Variants in PCDH17 observed in about 807,000 individuals in gnomAD.
The protein encoded by PCDH17 is protocadherin-17.
In PCDH17, 21 loss-of-function variants were observed where a neutral mutation model predicts 67.7. That is an observed-to-expected ratio of 0.31 (90% CI 0.22 to 0.45). PCDH17 has a LOEUF of 0.45. PCDH17 is among the 20% of genes least tolerant of loss of function. The pLI is 1.00. For synonymous variants in PCDH17, 701 were observed against 656.7 expected, an observed-to-expected ratio of 1.07 and a Z score of -1.03; for missense variants, 1,471 against 1,564.8, an observed-to-expected ratio of 0.94 and a Z score of 1.01.
chr13:57,680,254 G>T (rs562523017), intron 3 of PCDH17, among the ~76,000 whole-genome samples: 1 of 151,468 alleles, frequency 6.6e-6, no homozygotes, highest in East Asian at 2.0e-4. Flanking sequence ...TCTTGAAAGT[G>T]GACTGTCTAT....
chr13:57,653,053 T>C (rs1383810419), intron 1 of PCDH17, among the ~76,000 whole-genome samples: 2 of 152,192 alleles, frequency 1.3e-5, no homozygotes, highest in African/African-American at 4.8e-5. Flanking sequence ...AGAGGTTCTC[T>C]AGCTTTGTCT....
At position 57,728,845 on chromosome 13, in the gene PCDH17, T is replaced by TA. The variant is rs1267132984; in HGVS notation, c.*3557dup. ...TTGTTCAATTTAAAATATGGCACCA[T>TA]AAAAAAGTCATGTAGTAATAGAGCA... On this transcript the variant is annotated 3_prime_UTR_variant, in exon 4 of 4. Coordinates refer to ENST00000377918, the MANE Select transcript of PCDH17 (RefSeq NM_001040429.3). The TA allele has an allele frequency of 1.3e-5, 2 of 152,228 alleles. No individual in the cohort carries two copies. The highest frequency in any genetic ancestry group is 2.4e-5 in the African/African-American group (1 of 41,450). The allele number at this position is 152,228 out of a possible 1,614,324, so 9.4% of individuals were successfully genotyped here. A position where few individuals can be genotyped will look rare whatever the true frequency, so the allele number is the denominator to read the frequency against.
At chr13:57,705,993 CA>C (rs1233389552) in intron 3 of PCDH17, among the ~76,000 whole-genome samples, 1 of 146,856 alleles carries the variant, frequency 6.8e-6, no homozygotes, top group Non-Finnish European at 1.5e-5. Flanking sequence ...CCAGCCTGAG[CA>C]ACAGGAGAAA....
chr13:57,698,047 T>C (rs1955627818), intron 3 of PCDH17, among the ~76,000 whole-genome samples: 1 of 151,778 alleles, frequency 6.6e-6, no homozygotes, highest in African/African-American at 2.4e-5. Flanking sequence ...TGAAAATTCA[T>C]GCCTTGAAAA....
chr13:57,652,352 T>C (rs922042713), intron 1 of PCDH17, among the ~76,000 whole-genome samples: 2 of 152,072 alleles, frequency 1.3e-5, no homozygotes, highest in Non-Finnish European at 2.9e-5. Flanking sequence ...CTAATTAATT[T>C]TACTACAAAT....
At position 57,728,672 on chromosome 13, in the gene PCDH17, A is replaced by G. The variant is rs1955932182; in HGVS notation, c.*3378A>G. 6.6e-6 allele frequency: 1 copy of G among 152,066 alleles called. No homozygotes were observed. The highest frequency in any genetic ancestry group is 2.1e-4 in the South Asian group (1 of 4,834). 9.4% of individuals were successfully genotyped at this position (152,066 alleles called of 1,614,324 possible). ...CTTTCATGCTATTTCTTAACCTGAC[A>G]TTTCTAACTTTATTGCAGGCAATAT... On this transcript the variant is annotated 3_prime_UTR_variant, in exon 4 of 4. Coordinates refer to ENST00000377918, the MANE Select transcript of PCDH17 (RefSeq NM_001040429.3).
chr13:57,646,582 A>G (rs572108586), intron 1 of PCDH17, among the ~76,000 whole-genome samples: 32 of 151,896 alleles, frequency 2.1e-4, no homozygotes, highest in South Asian at 6.2e-4. Flanking sequence ...GTTTTCAAAC[A>G]TATTAAAAAT....
rs143595564 is a variant in PCDH17, at chr13:57,721,993, A to G, written c.2798-2619A>G. Among the ~76,000 whole-genome samples the G allele has an allele frequency of 7.6e-4, 115 of 152,268 alleles. 1 individual carries two copies. Among genetic ancestry groups the G allele is most frequent in the African/African-American group, 2.6e-3 (108 of 41,562 alleles). On this transcript the variant is annotated intron_variant, in intron 3 of 3. Coordinates refer to ENST00000377918, the MANE Select transcript of PCDH17 (RefSeq NM_001040429.3). ...TTCTACTGTTTGTACAAAAGTGTCCATTCAATTTTCTTCACTGACTGTGAA... is the reference window on the plus strand; with the variant it reads ...TTCTACTGTTTGTACAAAAGTGTCCGTTCAATTTTCTTCACTGACTGTGAA...
At chr13:57,639,275 G>A (rs543645732) in intron 1 of PCDH17, among the ~76,000 whole-genome samples, 1 of 151,952 alleles carries the variant, frequency 6.6e-6, no homozygotes, top group African/African-American at 2.4e-5. Flanking sequence ...ATTAAAAGTA[G>A]TGTAAAGTAA....
chr13:57,706,416 T>C (rs1593942280), intron 3 of PCDH17, among the ~76,000 whole-genome samples: 1 of 152,322 alleles, frequency 6.6e-6, no homozygotes, highest in East Asian at 1.9e-4. Flanking sequence ...GCAGTGTTTT[T>C]ATTGCTATGT....
At chr13:57,661,136 C>G (rs924743935) in intron 1 of PCDH17, among the ~76,000 whole-genome samples, 3 of 152,064 alleles carry the variant, frequency 2.0e-5, no homozygotes, top group African/African-American at 7.2e-5. Context: ...TATGAGAATT[C>G]CAGTTGTTCC....
At chr13:57,668,028 T>C (rs1285582267) in intron 3 of PCDH17, among the ~76,000 whole-genome samples, 1 of 151,740 alleles carries the variant, frequency 6.6e-6, no homozygotes, top group Non-Finnish European at 1.5e-5. Context: ...GCTAGACCGA[T>C]GACTTTTTTC....
chr13:57,690,328 C>T (rs1275557860), intron 3 of PCDH17, among the ~76,000 whole-genome samples: 1 of 151,568 alleles, frequency 6.6e-6, no homozygotes, highest in East Asian at 1.9e-4. Flanking sequence ...GAACACATCT[C>T]TAAAAGTGGC....
intron 3 of PCDH17, among the ~76,000 whole-genome samples, chr13:57,712,729 G>A (rs1424154113): frequency 6.6e-6 from 1 of 151,520 alleles, no homozygotes; most frequent in Non-Finnish European, 1.5e-5. Flanking sequence ...TTTGAATTAA[G>A]AAAGACTGTC....
chr13:57,696,353 CA>C (rs1253642673), intron 3 of PCDH17, among the ~76,000 whole-genome samples: 6 of 150,768 alleles, frequency 4.0e-5, no homozygotes, highest in Non-Finnish European at 5.9e-5. Flanking sequence ...TATAAATGTT[CA>C]AAAAAAGTGG....
chr13:57,701,999 CCT>C (rs1955668281), intron 3 of PCDH17, among the ~76,000 whole-genome samples: 1 of 151,966 alleles, frequency 6.6e-6, no homozygotes, highest in African/African-American at 2.4e-5. Context: ...CTCACTGCAA[CCT>C]CTGTCTCCCA....
chr13:57,664,788 G>A (rs1955229376), intron 1 of PCDH17, among the ~76,000 whole-genome samples: 2 of 152,156 alleles, frequency 1.3e-5, no homozygotes, highest in African/African-American at 2.4e-5. Flanking sequence ...AAATTAAAAT[G>A]TGAAGTGACT....
chr13:57,689,896 A>G, intron 3 of PCDH17, among the ~76,000 whole-genome samples: 1 of 151,964 alleles, frequency 6.6e-6, no homozygotes, highest in South Asian at 2.1e-4. Context: ...TATTCTAATT[A>G]TATTTGCAGA....
At position 57,673,357 on chromosome 13, in the gene PCDH17, G is replaced by A. The variant is rs965683714; in HGVS notation, c.2797+6524G>A. Among the ~76,000 whole-genome samples the A allele has an allele frequency of 1.3e-5, 2 of 151,934 alleles. 1 individual carries two copies. The highest frequency in any genetic ancestry group is 1.3e-4 in the Admixed American group (2 of 15,218). ...CCTACTCAAGACTTGATGGGCTTTTGTTACATTCCAGCCTTTGTTTAGGGG... is the reference window on the plus strand; with the variant it reads ...CCTACTCAAGACTTGATGGGCTTTTATTACATTCCAGCCTTTGTTTAGGGG... On this transcript the variant is annotated intron_variant, in intron 3 of 3. Coordinates refer to ENST00000377918, the MANE Select transcript of PCDH17 (RefSeq NM_001040429.3).
Sources: allele counts gnomAD v4.1 joint callset (sites outside exome capture counted in the v4.1 genomes callset), GRCh38; gene constraint gnomAD v4.1.1; transcripts MANE v1.5; gene names NCBI Gene and HGNC (gene_info 2026-07-23, HGNC 2026-07-21).